Variants in SLC38A1 observed in about 807,000 individuals in gnomAD.
The protein encoded by SLC38A1 is solute carrier family 38 member 1, also known as sodium-coupled neutral amino acid symporter 1.
Under a neutral mutation model 60.3 loss-of-function variants are expected in SLC38A1, and 18 were observed. That is an observed-to-expected ratio of 0.30 (90% CI 0.21 to 0.44). SLC38A1 has a LOEUF of 0.44. Among genes scored for constraint, SLC38A1 ranks in the 20% least tolerant of loss-of-function variants. The pLI, the probability that SLC38A1 is intolerant of heterozygous loss-of-function variation, is 1.00. For missense variants in SLC38A1, 448 were observed against 587.2 expected (o/e 0.76, Z 2.45); for synonymous variants, 196 against 212.1 (o/e 0.92, Z 0.66).
At chr12:46,262,354 GA>G (rs1206631974) in intron 1 of SLC38A1, among the ~76,000 whole-genome samples, 10 of 151,628 alleles carry the variant, frequency 6.6e-5, no homozygotes, top group Admixed American at 4.6e-4. Context: ...CTGGATATAG[GA>G]GGACAGACTG....
At chr12:46,259,102 C>T (rs1942121432) in intron 1 of SLC38A1, among the ~76,000 whole-genome samples, 1 of 152,190 alleles carries the variant, frequency 6.6e-6, no homozygotes, top group Non-Finnish European at 1.5e-5. Context: ...TTTCTTGACT[C>T]TAGTAACCAT....
Position 46,218,718 on chromosome 12 carries a change from T to C in SLC38A1, c.315-9591A>G, listed in dbSNP as rs148061071. On this transcript the variant is annotated intron_variant, in intron 5 of 16. Coordinates refer to ENST00000398637, the MANE Select transcript of SLC38A1 (RefSeq NM_030674.4). ...GCTGTGTGGGAGACCGGAGTTTTAT[T>C]ATTACTCAAATCAGTCTCCCAGAGC... 7.1e-3 allele frequency among the ~76,000 whole-genome samples: 1,088 copies of C among 152,292 alleles called. 15 individuals are homozygous for C. The highest frequency in any genetic ancestry group is 0.025 in the African/African-American group (1,038 of 41,562).
chr12:46,194,843 T>TC (rs904125790), intron 16 of SLC38A1, among the ~76,000 whole-genome samples: 11 of 151,978 alleles, frequency 7.2e-5, no homozygotes, highest in Non-Finnish European at 1.0e-4. Flanking sequence ...CTTTTTTTTT[T>TC]CCACAGTTTT....
intron 1 of SLC38A1, among the ~76,000 whole-genome samples, chr12:46,261,679 G>T (rs1942200214): frequency 6.6e-6 from 1 of 152,128 alleles, no homozygotes; most frequent in Admixed American, 6.6e-5. Flanking sequence ...TGGGATTTAT[G>T]TAAAAATGCA....
intron 5 of SLC38A1, among the ~76,000 whole-genome samples, chr12:46,210,753 G>A (rs561666722): frequency 5.3e-5 from 8 of 152,056 alleles, no homozygotes; most frequent in Non-Finnish European, 1.2e-4. Context: ...TCTTGTCTGC[G>A]GGCAAGTAAA....
intron 1 of SLC38A1, among the ~76,000 whole-genome samples, chr12:46,258,215 T>C (rs1047675700): frequency 2.0e-5 from 3 of 152,180 alleles, no homozygotes; most frequent in Admixed American, 1.3e-4. Context: ...ACCTGTACTT[T>C]GTGCTAACCT....
intron 1 of SLC38A1, among the ~76,000 whole-genome samples, chr12:46,255,265 T>C (rs1941983061): frequency 6.6e-6 from 1 of 152,260 alleles, no homozygotes; most frequent in African/African-American, 2.4e-5. Context: ...ACTAGGAAAT[T>C]TGGGTTACCT....
intron 3 of SLC38A1, among the ~76,000 whole-genome samples, chr12:46,233,309 C>T (rs1346919518): frequency 1.3e-5 from 2 of 152,034 alleles, no homozygotes; most frequent in African/African-American, 4.8e-5. Context: ...CAGGTGTGAG[C>T]CACTGTGCTT....
At position 46,224,815 on chromosome 12, in the gene SLC38A1, C is replaced by T. The variant is rs144860975; in HGVS notation, c.314+4338G>A. On this transcript the variant is annotated intron_variant, in intron 5 of 16. Coordinates refer to ENST00000398637, the MANE Select transcript of SLC38A1 (RefSeq NM_030674.4). ...ATTTAGCTGAAGACTTGGTGTGTTG[C>T]GCTTGTTATCCATGAATCTTACAAA... Among the ~76,000 whole-genome samples the T allele has an allele frequency of 4.6e-3, 700 of 152,260 alleles. 4 individuals are homozygous for T. Among genetic ancestry groups the T allele is most frequent in the African/African-American group, 0.015 (635 of 41,550 alleles).
At position 46,208,933 on chromosome 12, in the gene SLC38A1, C is replaced by T. The variant is rs576680580; in HGVS notation, c.388+121G>A. ...TATAGGTCTTCCAATCACTCTAGGT[C>T]AAAATAGTCTTTCTTTTTAATAATC... On this transcript the variant is annotated intron_variant, in intron 6 of 16. Transcript: ENST00000398637. The T allele has an allele frequency of 1.1e-5, 8 of 721,236 alleles. No individual in the cohort carries two copies. In the South Asian group the frequency reaches 1.4e-4, roughly 12 times the overall value. 44.7% of individuals were successfully genotyped at this position (721,236 alleles called of 1,614,324 possible).
chr12:46,196,080 C>A (rs1039842903), intron 16 of SLC38A1: 139 of 1,488,350 alleles, frequency 9.3e-5, no homozygotes, highest in Non-Finnish European at 1.2e-4. Flanking sequence ...ATTTGGCTAT[C>A]TTGGAAGCAA....
chr12:46,210,356 A>C (rs1940103888), intron 5 of SLC38A1, among the ~76,000 whole-genome samples: 1 of 152,202 alleles, frequency 6.6e-6, no homozygotes, highest in Non-Finnish European at 1.5e-5. Context: ...CCAGCAAACA[A>C]AAGAGGGGCA....
At chr12:46,248,801 C>T (rs574029428) in intron 1 of SLC38A1, among the ~76,000 whole-genome samples, 13 of 152,120 alleles carry the variant, frequency 8.5e-5, no homozygotes, top group Admixed American at 3.3e-4. Context: ...TGTAAAAGAA[C>T]GGAAATCACA....
At chr12:46,219,940 C>T (rs895679377) in intron 5 of SLC38A1, among the ~76,000 whole-genome samples, 4 of 152,200 alleles carry the variant, frequency 2.6e-5, no homozygotes, top group Non-Finnish European at 4.4e-5. Context: ...TACACTCTAG[C>T]GCATGTGCGC....
chr12:46,220,005 C>G (rs1940593532), intron 5 of SLC38A1, among the ~76,000 whole-genome samples: 1 of 152,230 alleles, frequency 6.6e-6, no homozygotes, highest in Non-Finnish European at 1.5e-5. Context: ...GAATTGAATT[C>G]TTAGAACCCC....
At chr12:46,191,559 C>A (rs190524316) in intron 16 of SLC38A1, among the ~76,000 whole-genome samples, 1 of 152,182 alleles carries the variant, frequency 6.6e-6, no homozygotes, top group African/African-American at 2.4e-5. Context: ...TTCTTCCTAT[C>A]CATGAGCGTG....
intron 1 of SLC38A1, among the ~76,000 whole-genome samples, chr12:46,251,577 A>T (rs186620560): frequency 6.6e-6 from 1 of 152,312 alleles, no homozygotes; most frequent in African/African-American, 2.4e-5. Context: ...AATGGGAGAA[A>T]ATCTACCCAT....
At position 46,239,428 on chromosome 12, in the gene SLC38A1, G is replaced by A. The variant is rs182493856; in HGVS notation, c.122+251C>T. ...CAACCTCCGCCTCTCAGGTTCAAGCGATTCTCCTGCCTCAGCCTCCCAAGT... is the reference window on the plus strand; with the variant it reads ...CAACCTCCGCCTCTCAGGTTCAAGCAATTCTCCTGCCTCAGCCTCCCAAGT... On this transcript the variant is annotated intron_variant, in intron 3 of 16. Coordinates refer to ENST00000398637, the MANE Select transcript of SLC38A1 (RefSeq NM_030674.4). 83 of 265,874 alleles carry A rather than the reference G, an allele frequency of 3.1e-4. No individual in the cohort carries two copies. In the East Asian group the frequency reaches 6.2e-3, roughly 20 times the overall value. 16.5% of individuals were successfully genotyped at this position (265,874 alleles called of 1,614,324 possible).
At chr12:46,251,537 C>G (rs777820372) in intron 1 of SLC38A1, among the ~76,000 whole-genome samples, 17 of 152,158 alleles carry the variant, frequency 1.1e-4, no homozygotes, top group Non-Finnish European at 2.2e-4. Flanking sequence ...GCAAAAGAAA[C>G]TACCATCAGA....
Sources: gnomAD v4.1 joint callset for allele counts (sites outside exome capture counted in the v4.1 genomes callset) on GRCh38, gnomAD v4.1.1 for gene constraint, MANE v1.5 for transcripts, NCBI Gene and HGNC (gene_info 2026-07-23, HGNC 2026-07-21) for gene names.